PCDHGA11: variants seen among roughly 807,000 people sequenced by gnomAD.
The protein encoded by PCDHGA11 is protocadherin gamma subfamily A, 11.
In PCDHGA11, 39 loss-of-function variants were observed where a neutral mutation model predicts 60.4. The ratio of observed to expected loss-of-function variants is 0.65; its 90% confidence interval spans 0.50 to 0.84. The LOEUF (loss-of-function observed/expected upper bound fraction) is 0.84, where lower values mean the gene tolerates loss of function less well. PCDHGA11 is among the 40% of genes least tolerant of loss of function. The pLI is 0.00. For missense variants in PCDHGA11, 1,165 were observed against 1,197.7 expected, an observed-to-expected ratio of 0.97 and a Z score of 0.40; for synonymous variants, 533 against 510.3, an observed-to-expected ratio of 1.04 and a Z score of -0.60.
intron 1 of PCDHGA11, among the ~76,000 whole-genome samples, chr5:141,474,586 A>G (rs149003643): frequency 6.6e-6 from 1 of 152,222 alleles, no homozygotes; most frequent in Non-Finnish European, 1.5e-5. Flanking sequence ...AGTGTTAAAG[A>G]CATGGAAATA....
At chr5:141,468,836 A>G (rs1286137807) in intron 1 of PCDHGA11, among the ~76,000 whole-genome samples, 1 of 152,170 alleles carries the variant, frequency 6.6e-6, no homozygotes, top group East Asian at 1.9e-4. Flanking sequence ...ACTGCACTCC[A>G]GCCTGGGCAA....
Position 141,421,470 on chromosome 5 carries a change from A to T in PCDHGA11, c.243A>T (p.Arg81=). Residue 81 remains arginine (R), a synonymous_variant, in exon 1 of 4, where the codon CGA becomes CGT. Coordinates refer to ENST00000398587, the MANE Select transcript of PCDHGA11 (RefSeq NM_018914.3). ...GKTQLFAVNP[R]SGSLITAGRI... is the part of the protein sequence containing the mutation. The stretch of plus-strand genomic sequence containing the variant: ...CACAGCTTTTCGCTGTGAATCCGCG[A>T]AGCGGCAGCTTGATCACGGCAGGCA... The T allele has an allele frequency of 2.5e-6, 4 of 1,614,130 alleles. No homozygotes were observed. The highest frequency in any genetic ancestry group is 3.4e-6 in the Non-Finnish European group (4 of 1,179,958).
intron 1 of PCDHGA11, among the ~76,000 whole-genome samples, chr5:141,464,886 A>T (rs541933775): frequency 5.2e-4 from 79 of 152,156 alleles, no homozygotes; most frequent in African/African-American, 1.9e-3. Flanking sequence ...CTACAGATGG[A>T]TGCCACCATG....
At chr5:141,458,989 T>C (rs1341538997) in intron 1 of PCDHGA11, among the ~76,000 whole-genome samples, 1 of 152,134 alleles carries the variant, frequency 6.6e-6, no homozygotes, top group Non-Finnish European at 1.5e-5. Flanking sequence ...TGCCTCACCC[T>C]CCCAAAGTGC....
rs1474468597 is a variant in PCDHGA11, at chr5:141,423,468, A to G, written c.2241A>G (p.Val747=). ...CACATTTTGTAGGCGTGGACGGGGT[A>G]CAGGCTTTCCTGCAAACCTATTCCC... ...PTSHFVGVDG[V]QAFLQTYSHE... Residue 747 remains valine (V), a synonymous_variant, in exon 1 of 4, where the codon GTA becomes GTG. Coordinates refer to ENST00000398587, the MANE Select transcript of PCDHGA11 (RefSeq NM_018914.3). The G allele has an allele frequency of 6.2e-7, 1 of 1,613,960 alleles. No homozygotes were observed. The highest frequency in any genetic ancestry group is 1.7e-5 in the Admixed American group (1 of 60,018).
At position 141,489,077 on chromosome 5, in the gene PCDHGA11, C is replaced by T. The variant is rs957205894; in HGVS notation, c.2434-5730C>T. 7 of 325,682 alleles carry T rather than the reference C, an allele frequency of 2.1e-5. 1 individual carries two copies. Among genetic ancestry groups the T allele is most frequent in the South Asian group, 1.5e-4 (3 of 20,214 alleles). 20.2% of individuals were successfully genotyped at this position (325,682 alleles called of 1,614,324 possible). The stretch of plus-strand genomic sequence containing the variant: ...AGCTCCCCTCCCCCCTGCCCACCCC[C>T]GCCACTCGGTGACTAAGAACTGCTG... On this transcript the variant is annotated intron_variant, in intron 1 of 3. Transcript: ENST00000398587. This position sits in a 1 kb window ranked among gnomAD's most constrained non-coding sequence, Gnocchi z 4.5.
rs148119281 is a variant in PCDHGA11, at chr5:141,511,006, C to T, written c.2641C>T (p.Arg881Cys). The T allele has an allele frequency of 3.5e-5, 56 of 1,614,078 alleles. No individual in the cohort carries two copies. Among genetic ancestry groups the T allele is most frequent in the African/African-American group, 5.3e-5 (4 of 74,922 alleles). The change falls in exon 4 of 4, where the codon CGC (arginine) becomes TGC (cysteine). Residue 881 changes from arginine to cysteine, a missense_variant. By Grantham distance (180) the Arg-to-Cys change is radical. Transcript: ENST00000398587. Reference protein sequence around the residue: ...GGAGTMGLSARYGPQFTLQHV... With the variant: ...GGAGTMGLSACYGPQFTLQHV... ...TGCCGGCACCATGGGATTGAGCGCC[C>T]GCTACGGACCCCAGTTCACCCTGCA...
Position 141,447,955 on chromosome 5 carries a change from G to A in PCDHGA11, c.2433+24295G>A, listed in dbSNP as rs536740280. On this transcript the variant is annotated intron_variant, in intron 1 of 3. Coordinates refer to ENST00000398587, the MANE Select transcript of PCDHGA11 (RefSeq NM_018914.3). ...ACAAAAATTAGCTGGGCATGGTGGC[G>A]GACACCTATAATCCCAGCTACTCGG... Among the ~76,000 whole-genome samples the A allele has an allele frequency of 1.6e-4, 24 of 151,898 alleles. 1 individual carries two copies. The highest frequency in any genetic ancestry group is 8.3e-4 in the South Asian group (4 of 4,816).
chr5:141,494,528 G>A lies in PCDHGA11; in HGVS notation c.2434-279G>A, dbSNP rs189993899. On this transcript the variant is annotated intron_variant, in intron 1 of 3. Coordinates refer to ENST00000398587, the MANE Select transcript of PCDHGA11 (RefSeq NM_018914.3). ...ATTTTGGCTCAGGAGTTCTGACTCTGGGGGCAGGGAGGAAGGGGCCATTTC... is the reference window on the plus strand; with the variant it reads ...ATTTTGGCTCAGGAGTTCTGACTCTAGGGGCAGGGAGGAAGGGGCCATTTC... 3.0e-4 allele frequency among the ~76,000 whole-genome samples: 45 copies of A among 152,274 alleles called. 1 individual carries two copies. Among genetic ancestry groups the A allele is most frequent in the African/African-American group, 1.0e-3 (42 of 41,542 alleles).
chr5:141,508,737 C>T (rs919094477), intron 3 of PCDHGA11, among the ~76,000 whole-genome samples: 1 of 152,010 alleles, frequency 6.6e-6, no homozygotes, highest in Non-Finnish European at 1.5e-5. Flanking sequence ...CTACACCCCC[C>T]ACCCCGCTCT....
chr5:141,452,172 T>G (rs1338447268), intron 1 of PCDHGA11, among the ~76,000 whole-genome samples: 1 of 152,206 alleles, frequency 6.6e-6, no homozygotes, highest in Non-Finnish European at 1.5e-5. Flanking sequence ...TTACTAACAT[T>G]TTTTATTTTG....
Position 141,432,502 on chromosome 5 carries a change from C to T in PCDHGA11, c.2433+8842C>T. On this transcript the variant is annotated intron_variant, in intron 1 of 3. Transcript: ENST00000398587. This position sits in a 1 kb window ranked among gnomAD's most constrained non-coding sequence, Gnocchi z 6.0. ...CTGGCGTGGAGCTGGCTCCCCGCTC[C>T]GCAGAGCCCGGCTACCTGGTGACCA... 6.2e-7 allele frequency: 1 copy of T among 1,614,142 alleles called. No individual in the cohort carries two copies. The highest frequency in any genetic ancestry group is 8.5e-7 in the Non-Finnish European group (1 of 1,180,042).
Position 141,422,453 on chromosome 5 carries a change from G to GA in PCDHGA11, c.1227dup (p.Val410SerfsTer37). 1 of 1,611,704 alleles carries GA rather than the reference G, an allele frequency of 6.2e-7. No individual in the cohort carries two copies. On this transcript the variant is annotated frameshift_variant, in exon 1 of 4. Transcript: ENST00000398587. LOFTEE classifies it high-confidence loss of function. ...AATTATTACAAATTGATAACAAGCA[G>GA]AGTGCTGGACAGGGAGTTGGTCCAG...
intron 1 of PCDHGA11, among the ~76,000 whole-genome samples, chr5:141,443,756 A>G (rs1234457212): frequency 6.6e-6 from 1 of 152,232 alleles, no homozygotes; most frequent in Non-Finnish European, 1.5e-5. Flanking sequence ...TTGGAAGCTT[A>G]CAATATACAA....
At chr5:141,454,850 C>T (rs1208208678) in intron 1 of PCDHGA11, among the ~76,000 whole-genome samples, 3 of 132,848 alleles carry the variant, frequency 2.3e-5, no homozygotes, top group Non-Finnish European at 4.6e-5. Flanking sequence ...CTCTGTCACC[C>T]AGGCTGGAGT....
chr5:141,511,117 G>A lies in PCDHGA11; in HGVS notation c.2752G>A (p.Ala918Thr). Residue 918 changes from alanine to threonine, a missense_variant, in exon 4 of 4, where the codon GCC becomes ACC. Physicochemically the swap from Ala to Thr is moderately conservative, Grantham distance 58. Coordinates refer to ENST00000398587, the MANE Select transcript of PCDHGA11 (RefSeq NM_018914.3). ...TNAAGKRDGK[A>T]PAGGNGNKKK... ...CGCAGCTGGCAAGCGGGATGGCAAG[G>A]CCCCAGCAGGTGGCAATGGCAACAA... 6.2e-7 allele frequency: 1 copy of A among 1,614,216 alleles called. No homozygotes were observed. Among genetic ancestry groups the A allele is most frequent in the Non-Finnish European group, 8.5e-7 (1 of 1,180,026 alleles).
At chr5:141,506,934 G>A (rs187503673) in intron 3 of PCDHGA11, among the ~76,000 whole-genome samples, 54 of 152,232 alleles carry the variant, frequency 3.5e-4, no homozygotes, top group African/African-American at 1.3e-3. Flanking sequence ...AAACTTTAGG[G>A]GCCTCCTGTC....
At chr5:141,508,760 T>A (rs1004267844) in intron 3 of PCDHGA11, among the ~76,000 whole-genome samples, 17 of 151,522 alleles carry the variant, frequency 1.1e-4, no homozygotes, top group Admixed American at 1.1e-3. Flanking sequence ...CTCTGGCGCC[T>A]CTGAGGTCCC....
In PCDHGA11 at chr5:141,491,665, C is replaced by A; in HGVS notation, c.2434-3142C>A. 1 of 1,613,764 alleles carries A rather than the reference C, an allele frequency of 6.2e-7. No individual in the cohort carries two copies. Among genetic ancestry groups the A allele is most frequent in the Admixed American group, 1.7e-5 (1 of 60,034 alleles). On this transcript the variant is annotated intron_variant, in intron 1 of 3. Coordinates refer to ENST00000398587, the MANE Select transcript of PCDHGA11 (RefSeq NM_018914.3). The surrounding 1 kb of genome is among the most constrained non-coding windows in gnomAD (Gnocchi z 6.9). ...TCTGGCGCTGGAGCCTGACGCCATCCGGTCCCGCTCTAATACGCTGCGGGA... is the reference window on the plus strand; with the variant it reads ...TCTGGCGCTGGAGCCTGACGCCATCAGGTCCCGCTCTAATACGCTGCGGGA...
Sources: gnomAD v4.1 joint callset for allele counts (sites outside exome capture counted in the v4.1 genomes callset) on GRCh38, gnomAD v4.1.1 for gene constraint, Gnocchi (gnomAD v3.1) non-coding constraint, MANE v1.5 for transcripts, NCBI Gene and HGNC (gene_info 2026-07-23, HGNC 2026-07-21) for gene names.